NKIRAS1: variants seen among roughly 807,000 people sequenced by gnomAD.
NKIRAS1 encodes NFKB inhibitor interacting Ras like 1, also known as NF-kappa-B inhibitor-interacting Ras-like protein 1.
NKIRAS1 carries 16 observed loss-of-function variants against 19.8 expected under a neutral mutation model. That is an observed-to-expected ratio of 0.81 (90% confidence interval 0.55 to 1.23). The LOEUF is 1.23. Ranked by LOEUF, NKIRAS1 falls within the 50% of genes most tolerant of loss-of-function variation. NKIRAS1 has a pLI of 0.00. For synonymous variants in NKIRAS1, 88 were observed against 79.0 expected, an observed-to-expected ratio of 1.11 and a Z score of -0.61; for missense variants, 184 against 220.0, an observed-to-expected ratio of 0.84 and a Z score of 1.04.
chr3:23,919,060 GAAATGCTTAGT>G, upstream of NKIRAS1: 1 of 644,678 alleles, frequency 1.6e-6, no homozygotes. Context: ...AGTCTAGGGA[GAAATGCTTAGT>G]AAATAACTTG....
At chr3:23,944,009 A>C (rs2125273450) in intron 1 of NKIRAS1, among the ~76,000 whole-genome samples, 1 of 152,344 alleles carries the variant, frequency 6.6e-6, no homozygotes, top group East Asian at 1.9e-4. Flanking sequence ...AGGAGGACCC[A>C]AGAAGCACTC....
intron 3 of NKIRAS1, among the ~76,000 whole-genome samples, chr3:23,905,878 G>T (rs1190338564): frequency 6.6e-6 from 1 of 151,978 alleles, no homozygotes; most frequent in Non-Finnish European, 1.5e-5. Context: ...CCAGGGAGAG[G>T]CCGGGTGCAG....
chr3:23,917,880 C>T (rs537969564), upstream of NKIRAS1: 1 of 1,610,382 alleles, frequency 6.2e-7, no homozygotes, highest in East Asian at 2.2e-5. Flanking sequence ...ACAAGTACAT[C>T]CAGGAGCTAT....
chr3:23,895,628 G>T (rs1426433636), intron 4 of NKIRAS1, among the ~76,000 whole-genome samples: 1 of 152,220 alleles, frequency 6.6e-6, no homozygotes, highest in Admixed American at 6.5e-5. Context: ...GCTGAATATG[G>T]CTGGAGAAAA....
upstream of NKIRAS1, chr3:23,920,578 A>C: frequency 5.1e-6 from 5 of 985,332 alleles, no homozygotes; most frequent in Non-Finnish European, 6.0e-6. Context: ...ATTTGAGTGT[A>C]AAGAAAATGT....
At chr3:23,944,361 C>G (rs4858564) in intron 1 of NKIRAS1, among the ~76,000 whole-genome samples, 1 of 152,072 alleles carries the variant, frequency 6.6e-6, no homozygotes, top group Non-Finnish European at 1.5e-5. Context: ...AAGAGTTTTA[C>G]AAGCAACACC....
Position 23,945,735 on chromosome 3 carries a change from G to T in NKIRAS1, c.-140+588C>A, listed in dbSNP as rs544675101. On this transcript the variant is annotated intron_variant, in intron 1 of 4. Coordinates refer to the NKIRAS1 transcript ENST00000421515. ...TGCTGCGCGCCGCGTGTCCGCCTCT[G>T]GCTCGGTTCCCATCGCCCCCCGGGC... 1,532 of 580,018 alleles carry T rather than the reference G, an allele frequency of 2.6e-3. 8 individuals are homozygous for T. The highest frequency in any genetic ancestry group is 4.7e-3 in the Admixed American group (91 of 19,270). 35.9% of individuals were successfully genotyped at this position (580,018 alleles called of 1,614,324 possible). A position where few individuals can be genotyped will look rare whatever the true frequency, so the allele number is the denominator to read the frequency against.
chr3:23,910,570 T>C (rs1335697181), intron 3 of NKIRAS1, among the ~76,000 whole-genome samples: 1 of 152,272 alleles, frequency 6.6e-6, no homozygotes, highest in African/African-American at 2.4e-5. Flanking sequence ...TATATCCATA[T>C]TGATCTATCT....
intron 1 of NKIRAS1, among the ~76,000 whole-genome samples, chr3:23,944,178 G>C (rs1705565729): frequency 6.6e-6 from 1 of 152,196 alleles, no homozygotes; most frequent in South Asian, 2.1e-4. Context: ...AGAGTGTTAG[G>C]AGAGAAACAT....
At position 23,890,297 on chromosome 3, in the gene NKIRAS1, A is replaced by G. The variant is rs1701360128; in HGVS notation, c.*2798T>C. On this transcript the variant is annotated 3_prime_UTR_variant, in exon 5 of 5. Coordinates refer to ENST00000425478, the MANE Select transcript of NKIRAS1 (RefSeq NM_020345.4). ...GAATGAACTAAGATAAAGACAGACC[A>G]GTACACTAAAGCCTAAGCATTCCCT... 6.6e-6 allele frequency among the ~76,000 whole-genome samples: 1 copy of G among 152,216 alleles called. No individual in the cohort carries two copies. The highest frequency in any genetic ancestry group is 2.4e-5 in the African/African-American group (1 of 41,450).
intron 1 of NKIRAS1, among the ~76,000 whole-genome samples, chr3:23,937,176 C>T (rs559081069): frequency 1.8e-4 from 20 of 110,182 alleles, no homozygotes; most frequent in African/African-American, 5.3e-4. Flanking sequence ...GGCTAGAGTT[C>T]GAGACCAGCC....
At chr3:23,904,458 C>T in intron 3 of NKIRAS1, among the ~76,000 whole-genome samples, 1 of 152,160 alleles carries the variant, frequency 6.6e-6, no homozygotes, top group East Asian at 1.9e-4. Flanking sequence ...CTCCCTTCAA[C>T]CTCAAGCCCT....
chr3:23,913,650 A>G (rs1293391089), intron 1 of NKIRAS1, among the ~76,000 whole-genome samples: 1 of 152,222 alleles, frequency 6.6e-6, no homozygotes, highest in African/African-American at 2.4e-5. Flanking sequence ...CAGATTTACA[A>G]ATAAAAACTA....
At chr3:23,899,663 G>A (rs2125373498) in intron 4 of NKIRAS1, among the ~76,000 whole-genome samples, 1 of 152,358 alleles carries the variant, frequency 6.6e-6, no homozygotes, top group South Asian at 2.1e-4. Context: ...GTAGACTGGT[G>A]TCACTGGAGT....
chr3:23,942,257 G>A (rs914293021), intron 1 of NKIRAS1, among the ~76,000 whole-genome samples: 4 of 152,036 alleles, frequency 2.6e-5, no homozygotes, highest in African/African-American at 9.7e-5. Flanking sequence ...GGGATTACAA[G>A]CGTGAGCCAC....
At chr3:23,893,378 C>G in intron 4 of NKIRAS1, 41 bp from the exon 5 acceptor site, 2 of 1,560,384 alleles carry the variant, frequency 1.3e-6, no homozygotes, top group Non-Finnish European at 1.7e-6. Flanking sequence ...TAGTACTTTG[C>G]CAACATCAGT....
upstream of NKIRAS1, chr3:23,920,484 A>G: frequency 1.0e-6 from 1 of 985,308 alleles, no homozygotes; most frequent in East Asian, 1.1e-4. Context: ...TTGTGCACCC[A>G]CTTTGACTAT....
intron 3 of NKIRAS1, among the ~76,000 whole-genome samples, chr3:23,902,221 C>CT (rs1432931736): frequency 1.3e-5 from 2 of 151,958 alleles, no homozygotes; most frequent in Non-Finnish European, 2.9e-5. Context: ...AACCTAAATA[C>CT]TGTAGAATGA....
rs368909074 is a variant in NKIRAS1, at chr3:23,914,001, C to T, written c.-139-2551G>A. 2.6e-5 allele frequency among the ~76,000 whole-genome samples: 4 copies of T among 152,284 alleles called. No homozygotes were observed. In the South Asian group the frequency reaches 6.2e-4, roughly 24 times the overall value. On this transcript the variant is annotated intron_variant, in intron 1 of 4. Coordinates refer to ENST00000425478, the MANE Select transcript of NKIRAS1 (RefSeq NM_020345.4). ...CACATCCCTACCCTAAGAAACTGGG[C>T]AATAAAATTCAATCTGTGACCTATT...
Sources: gnomAD v4.1 joint callset for allele counts (sites outside exome capture counted in the v4.1 genomes callset) on GRCh38, gnomAD v4.1.1 for gene constraint, MANE v1.5 for transcripts, NCBI Gene and HGNC (gene_info 2026-07-23, HGNC 2026-07-21) for gene names.